Variants in ANKS1B observed in about 807,000 individuals in gnomAD.
The protein encoded by ANKS1B is ankyrin repeat and sterile alpha motif domain-containing protein 1B.
Under a neutral mutation model 148.3 loss-of-function variants are expected in ANKS1B, and 36 were observed. That is an observed-to-expected ratio of 0.24 (90% CI 0.19 to 0.32). ANKS1B has a LOEUF of 0.32. Ranked by LOEUF, ANKS1B falls within the 10% of genes least tolerant of loss-of-function variation. The pLI is 1.00. For synonymous variants in ANKS1B, 542 were observed against 560.8 expected (o/e 0.97, Z 0.47); for missense variants, 1,157 against 1,542.6 (o/e 0.75, Z 4.19).
intron 1 of ANKS1B, among the ~76,000 whole-genome samples, chr12:99,936,476 A>C (rs1272471008): frequency 6.6e-6 from 1 of 152,126 alleles, no homozygotes; most frequent in African/African-American, 2.4e-5. Flanking sequence ...GCAAGACCCC[A>C]TCTCTTAAAA....
chr12:99,555,718 C>T (rs2097269072), intron 9 of ANKS1B, among the ~76,000 whole-genome samples: 1 of 152,044 alleles, frequency 6.6e-6, no homozygotes, highest in African/African-American at 2.4e-5. Flanking sequence ...GTTTTTAGTT[C>T]TGTTTATATG....
At chr12:99,064,601 ATC>A (rs1384594150) in intron 16 of ANKS1B, among the ~76,000 whole-genome samples, 14 of 152,228 alleles carry the variant, frequency 9.2e-5, no homozygotes, top group Admixed American at 2.0e-4. Context: ...CTACAAAACA[ATC>A]TGTCTTATTT....
intron 17 of ANKS1B, among the ~76,000 whole-genome samples, chr12:98,892,294 C>T (rs183148057): frequency 5.2e-4 from 79 of 152,282 alleles, no homozygotes; most frequent in East Asian, 3.1e-3. Context: ...TCGAAACACA[C>T]GGTGCTCAAA....
Position 99,842,583 on chromosome 12 carries a change from C to G in ANKS1B, c.135-17194G>C, listed in dbSNP as rs559146955. 4.6e-5 allele frequency among the ~76,000 whole-genome samples: 7 copies of G among 152,174 alleles called. No homozygotes were observed. In the South Asian group the frequency reaches 1.5e-3, roughly 32 times the overall value. On this transcript the variant is annotated intron_variant, in intron 1 of 26. Transcript: ENST00000683438. ...ATGGCCTGTCTTCAGCTAGACTTTT[C>G]GAAGTTGGTTTAGCCAAAAACCCTC...
At chr12:98,866,265 C>G (rs1000970501) in intron 17 of ANKS1B, among the ~76,000 whole-genome samples, 14 of 152,202 alleles carry the variant, frequency 9.2e-5, no homozygotes. Flanking sequence ...TTACAGCACT[C>G]CTGTGAATCT....
At chr12:99,310,049 T>G (rs2082924332) in intron 12 of ANKS1B, among the ~76,000 whole-genome samples, 1 of 152,152 alleles carries the variant, frequency 6.6e-6, no homozygotes, top group African/African-American at 2.4e-5. Flanking sequence ...AAAACCAAGT[T>G]TCTTACCTCT....
At chr12:99,011,161 A>T (rs1318325930) in intron 17 of ANKS1B, among the ~76,000 whole-genome samples, 1 of 152,118 alleles carries the variant, frequency 6.6e-6, no homozygotes, top group African/African-American at 2.4e-5. Context: ...TTTAATCCAG[A>T]TACCTTGGCT....
At chr12:99,052,193 T>C (rs1599039644) in intron 17 of ANKS1B, among the ~76,000 whole-genome samples, 2 of 152,184 alleles carry the variant, frequency 1.3e-5, no homozygotes, top group Non-Finnish European at 2.9e-5. Flanking sequence ...AAAGTAAAAA[T>C]GCAATGAGAA....
intron 17 of ANKS1B, among the ~76,000 whole-genome samples, chr12:98,950,353 AG>A (rs1202346988): frequency 3.3e-5 from 5 of 152,004 alleles, no homozygotes; most frequent in African/African-American, 4.8e-5. Flanking sequence ...AAAAACTAGC[AG>A]GGCATGGTGG....
At chr12:98,824,279 A>G (rs2099227857) in intron 19 of ANKS1B, among the ~76,000 whole-genome samples, 1 of 152,222 alleles carries the variant, frequency 6.6e-6, no homozygotes, top group East Asian at 1.9e-4. Context: ...TGTTTACACA[A>G]TTAAAATAAT....
intron 1 of ANKS1B, among the ~76,000 whole-genome samples, chr12:99,921,470 TAA>T (rs2094350198): frequency 6.6e-6 from 1 of 152,174 alleles, no homozygotes; most frequent in African/African-American, 2.4e-5. Flanking sequence ...GAAAATGGAT[TAA>T]TATACCAGGC....
At chr12:99,472,230 T>C (rs1567170523) in intron 10 of ANKS1B, among the ~76,000 whole-genome samples, 1 of 152,122 alleles carries the variant, frequency 6.6e-6, no homozygotes, top group Admixed American at 6.6e-5. Flanking sequence ...CACTTAAATA[T>C]CCTGCCGGAC....
intron 9 of ANKS1B, among the ~76,000 whole-genome samples, chr12:99,590,291 C>CACAA (rs397706201): frequency 1.3e-5 from 2 of 151,022 alleles, no homozygotes; most frequent in Non-Finnish European, 3.0e-5. Context: ...CACACACACA[C>CACAA]GCTTATTTAC....
At chr12:99,607,516 C>T (rs1362526444) in intron 9 of ANKS1B, among the ~76,000 whole-genome samples, 1 of 151,872 alleles carries the variant, frequency 6.6e-6, no homozygotes, top group Non-Finnish European at 1.5e-5. Context: ...CAAACACAGG[C>T]AAAAATGTCT....
intron 1 of ANKS1B, among the ~76,000 whole-genome samples, chr12:99,974,034 G>A (rs1327419762): frequency 1.3e-5 from 2 of 152,166 alleles, no homozygotes; most frequent in Non-Finnish European, 2.9e-5. Flanking sequence ...TTTGTGAAAG[G>A]AACAGTCAAC....
intron 11 of ANKS1B, among the ~76,000 whole-genome samples, chr12:99,420,472 T>C (rs1368388476): frequency 6.6e-6 from 1 of 152,150 alleles, no homozygotes; most frequent in African/African-American, 2.4e-5. Flanking sequence ...GAGTAAAATA[T>C]AATCAGGGTC....
intron 17 of ANKS1B, among the ~76,000 whole-genome samples, chr12:98,983,045 T>C (rs142378870): frequency 2.0e-5 from 3 of 152,342 alleles, no homozygotes; most frequent in East Asian, 1.9e-4. Flanking sequence ...TAGTTTTATA[T>C]TGCTGCACAG....
chr12:99,444,778 T>C (rs1387743662), intron 10 of ANKS1B, among the ~76,000 whole-genome samples: 1 of 152,040 alleles, frequency 6.6e-6, no homozygotes, highest in African/African-American at 2.4e-5. Context: ...TTTTCTTTCC[T>C]AGACAGTTAG....
chr12:99,730,958 T>C (rs574809891), intron 8 of ANKS1B, among the ~76,000 whole-genome samples: 10 of 152,184 alleles, frequency 6.6e-5, no homozygotes, highest in East Asian at 1.9e-4. Flanking sequence ...GTTTTTGAGA[T>C]AGAGTTTCCC....
Sources: allele counts gnomAD v4.1 joint callset (sites outside exome capture counted in the v4.1 genomes callset), GRCh38; gene constraint gnomAD v4.1.1; transcripts MANE v1.5; gene names NCBI Gene and HGNC (gene_info 2026-07-23, HGNC 2026-07-21).